Variants in GFOD1 observed in about 807,000 individuals in gnomAD.
The protein encoded by GFOD1 is glucose-fructose oxidoreductase domain-containing protein 1.
In GFOD1, 9 loss-of-function variants were observed where a neutral mutation model predicts 25.4. That is an observed-to-expected ratio of 0.35 (90% confidence interval 0.21 to 0.62). GFOD1 has a LOEUF of 0.62. GFOD1 is among the 20% of genes least tolerant of loss of function. The pLI is 0.72. For missense variants in GFOD1, 403 were observed against 556.9 expected, an observed-to-expected ratio of 0.72 and a Z score of 2.78; for synonymous variants, 253 against 245.6, an observed-to-expected ratio of 1.03 and a Z score of -0.28.
chr6:13,395,389 C>T (rs909282790), intron 1 of GFOD1, among the ~76,000 whole-genome samples: 1 of 152,146 alleles, frequency 6.6e-6, no homozygotes, highest in Admixed American at 6.6e-5. Context: ...ATAAACCACC[C>T]GATAAAACTC....
intron 1 of GFOD1, among the ~76,000 whole-genome samples, chr6:13,468,560 G>C (rs889100919): frequency 3.9e-5 from 6 of 152,164 alleles, no homozygotes; most frequent in Non-Finnish European, 8.8e-5. Flanking sequence ...CAGTTCCCCA[G>C]TGATTAAACA....
chr6:13,407,525 T>C lies in GFOD1; in HGVS notation c.254-41863A>G, dbSNP rs954009125. ...TCCTTGACCAGAATGGCCCAGACAG[T>C]TGGAATAAAGGATGACATTAAAATA... On this transcript the variant is annotated intron_variant, in intron 1 of 1. Coordinates refer to ENST00000379287, the MANE Select transcript of GFOD1 (RefSeq NM_018988.4). Among the ~76,000 whole-genome samples the C allele has an allele frequency of 4.6e-5, 7 of 152,332 alleles. No homozygotes were observed. The South Asian group carries it at 1.0e-3, about 23-fold the overall frequency.
intron 1 of GFOD1, among the ~76,000 whole-genome samples, chr6:13,446,208 G>A (rs1008181711): frequency 4.6e-5 from 7 of 152,144 alleles, no homozygotes; most frequent in African/African-American, 1.7e-4. Context: ...ACAGGGACAG[G>A]CTTTTGAAAT....
intron 1 of GFOD1, among the ~76,000 whole-genome samples, chr6:13,419,437 C>T (rs1388375502): frequency 1.3e-5 from 2 of 152,140 alleles, no homozygotes; most frequent in African/African-American, 2.4e-5. Flanking sequence ...CCACAGAGAC[C>T]GCCATCCTCT....
intron 1 of GFOD1, among the ~76,000 whole-genome samples, chr6:13,404,556 A>G (rs185201756): frequency 1.5e-4 from 23 of 152,284 alleles, no homozygotes; most frequent in Admixed American, 3.9e-4. Context: ...TGAAGATACC[A>G]CCAGCCTCAA....
In GFOD1 at chr6:13,390,761, A is replaced by C. The variant is rs370800052; in HGVS notation, c.254-25099T>G. Among the ~76,000 whole-genome samples the C allele has an allele frequency of 1.9e-3, 202 of 104,788 alleles. 4 individuals carry two copies. The highest frequency in any genetic ancestry group is 0.012 in the African/African-American group (196 of 16,714). 68.7% of individuals were successfully genotyped at this position (104,788 alleles called of 152,430 possible). ...AAAGAAAGACAGGAAGAGAGAGAGA[A>C]AGAGAGAGAGAGAGAGAGAAAGGAA... On this transcript the variant is annotated intron_variant, in intron 1 of 1. Coordinates refer to ENST00000379287, the MANE Select transcript of GFOD1 (RefSeq NM_018988.4).
chr6:13,457,194 GC>G (rs759666159), intron 1 of GFOD1, among the ~76,000 whole-genome samples: 26 of 152,196 alleles, frequency 1.7e-4, no homozygotes, highest in Non-Finnish European at 3.7e-4. Flanking sequence ...GTCAGACCTT[GC>G]CAGAAGCAAA....
At chr6:13,476,338 G>T (rs928186452) in intron 1 of GFOD1, among the ~76,000 whole-genome samples, 17 of 152,158 alleles carry the variant, frequency 1.1e-4, no homozygotes, top group Admixed American at 9.2e-4. Context: ...AAGAACTCAA[G>T]CACAAATGAT....
chr6:13,475,090 A>G (rs1388544938), intron 1 of GFOD1, among the ~76,000 whole-genome samples: 1 of 152,252 alleles, frequency 6.6e-6, no homozygotes, highest in Non-Finnish European at 1.5e-5. Flanking sequence ...AATGCTTACA[A>G]ATCAATAAAT....
chr6:13,432,692 A>T (rs559343515), intron 1 of GFOD1, among the ~76,000 whole-genome samples: 93 of 152,238 alleles, frequency 6.1e-4, no homozygotes, highest in African/African-American at 2.1e-3. Context: ...ACCCAGCTAC[A>T]CGGTTTCCCT....
intron 1 of GFOD1, among the ~76,000 whole-genome samples, chr6:13,420,577 A>G (rs1786239188): frequency 1.3e-5 from 2 of 152,250 alleles, no homozygotes; most frequent in Non-Finnish European, 2.9e-5. Context: ...TCCCTGAGAC[A>G]AAAGGCACGT....
chr6:13,364,861 C>A lies in GFOD1; in HGVS notation c.1055G>T (p.Arg352Met). ...CTGCCACTCGCCCGTCTGGCTGGACCTCTTGATGGTGTCCACCACGCACAA... is the reference window on the plus strand; with the variant it reads ...CTGCCACTCGCCCGTCTGGCTGGACATCTTGATGGTGTCCACCACGCACAA... Reference protein sequence around the residue: ...YALCVVDTIKRSSQTGEWQNI... With the variant: ...YALCVVDTIKMSSQTGEWQNI... Residue 352 changes from arginine (R) to methionine (M), a missense_variant, in exon 2 of 2, where the codon AGG (arginine) becomes ATG (methionine). Arg to Met is a moderately conservative substitution (Grantham distance 91). Transcript: ENST00000379287. This position sits in a 1 kb window ranked among gnomAD's most constrained non-coding sequence, Gnocchi z 4.1. 1 of 1,614,050 alleles carries A rather than the reference C, an allele frequency of 6.2e-7. No individual in the cohort carries two copies. Among genetic ancestry groups the A allele is most frequent in the Non-Finnish European group, 8.5e-7 (1 of 1,180,038 alleles).
chr6:13,420,527 A>G (rs1786238370), intron 1 of GFOD1, among the ~76,000 whole-genome samples: 1 of 152,194 alleles, frequency 6.6e-6, no homozygotes, highest in African/African-American at 2.4e-5. Context: ...GCTGTCACCA[A>G]TCGAGATGGA....
chr6:13,379,005 A>C (rs1785308595), intron 1 of GFOD1, among the ~76,000 whole-genome samples: 1 of 152,130 alleles, frequency 6.6e-6, no homozygotes, highest in Admixed American at 6.5e-5. Flanking sequence ...GCCAGGAGGC[A>C]AACCAGCTCC....
chr6:13,413,865 A>T (rs1468370164), intron 1 of GFOD1, among the ~76,000 whole-genome samples: 1 of 152,190 alleles, frequency 6.6e-6, no homozygotes, highest in East Asian at 1.9e-4. Flanking sequence ...GCACAGGTTA[A>T]TGGGACCAAG....
Position 13,449,719 on chromosome 6 carries a change from T to C in GFOD1, c.253+36919A>G, listed in dbSNP as rs79623397. Among the ~76,000 whole-genome samples the C allele has an allele frequency of 5.5e-3, 842 of 152,238 alleles. 8 individuals carry two copies. The highest frequency in any genetic ancestry group is 0.019 in the African/African-American group (807 of 41,528). ...GTTTCTCCTTTTGCTTGGCTCTCAT[T>C]CTCTTTTGCCTGCCACCATGTAAGA... On this transcript the variant is annotated intron_variant, in intron 1 of 1. Transcript: ENST00000379287.
intron 1 of GFOD1, among the ~76,000 whole-genome samples, chr6:13,422,010 G>A (rs2165419): frequency 0.6 from 91,781 of 152,046 alleles, 30,792 homozygotes; most frequent in Non-Finnish European, 0.74. Context: ...ATCCACAGGG[G>A]AGGAAGAAAA....
intron 1 of GFOD1, among the ~76,000 whole-genome samples, chr6:13,465,043 T>A (rs1758355494): frequency 6.6e-6 from 1 of 152,186 alleles, no homozygotes; most frequent in Non-Finnish European, 1.5e-5. Flanking sequence ...AATTGCTTCT[T>A]CTTCTGTGCT....
At chr6:13,470,067 A>G in intron 1 of GFOD1, 1 of 1,386,166 alleles carries the variant, frequency 7.2e-7, no homozygotes, top group Non-Finnish European at 9.7e-7. Flanking sequence ...CACTCAGTAA[A>G]TGGGTGAGGA....
Sources: gnomAD v4.1 joint callset for allele counts (sites outside exome capture counted in the v4.1 genomes callset) on GRCh38, gnomAD v4.1.1 for gene constraint, Gnocchi (gnomAD v3.1) non-coding constraint, MANE v1.5 for transcripts, NCBI Gene and HGNC (gene_info 2026-07-23, HGNC 2026-07-21) for gene names.